The following DAB1 variants were observed in gnomAD, a reference collection of about 807,000 sequenced individuals.
The protein encoded by DAB1 is disabled homolog 1.
In DAB1, 15 loss-of-function variants were observed where a neutral mutation model predicts 64.6. The ratio of observed to expected loss-of-function variants is 0.23; its 90% CI spans 0.16 to 0.36. DAB1 has a LOEUF of 0.36. Among genes scored for constraint, DAB1 ranks in the 10% least tolerant of loss-of-function variants. The probability of loss-of-function intolerance (pLI) is 1.00; values close to 1 mark genes in which losing one functional copy is unlikely to be tolerated. For missense variants in DAB1, 596 were observed against 706.7 expected (o/e 0.84, Z 1.78); for synonymous variants, 235 against 251.9 (o/e 0.93, Z 0.64).
intron 3 of DAB1, among the ~76,000 whole-genome samples, chr1:58,475,648 C>T (rs2100338627): frequency 6.6e-6 from 1 of 152,286 alleles, no homozygotes. Context: ...AATAATCTCA[C>T]AGCCCAGATG....
At chr1:57,745,599 C>G (rs1312681591) in intron 6 of DAB1, among the ~76,000 whole-genome samples, 2 of 152,140 alleles carry the variant, frequency 1.3e-5, no homozygotes, top group Non-Finnish European at 2.9e-5. Flanking sequence ...TTTAAAGGAG[C>G]TCTTTTTCTC....
intron 2 of DAB1, among the ~76,000 whole-genome samples, chr1:58,512,400 G>A (rs2100430342): frequency 6.6e-6 from 1 of 152,240 alleles, no homozygotes; most frequent in East Asian, 1.9e-4. Context: ...TCCTACTTCT[G>A]GATATTTATC....
chr1:58,057,393 C>T (rs760516735), intron 5 of DAB1, among the ~76,000 whole-genome samples: 10 of 152,056 alleles, frequency 6.6e-5, no homozygotes, highest in Non-Finnish European at 5.9e-5. Context: ...TTAGTTAAAA[C>T]GAGGCCATAC....
chr1:57,265,597 G>C (rs568579334), intron 2 of DAB1, among the ~76,000 whole-genome samples: 2 of 152,220 alleles, frequency 1.3e-5, no homozygotes, highest in African/African-American at 4.8e-5. Flanking sequence ...AACGGATGCC[G>C]TCAGTAACAA....
chr1:57,304,193 AG>A (rs932114251), intron 1 of DAB1, among the ~76,000 whole-genome samples: 1 of 152,202 alleles, frequency 6.6e-6, no homozygotes, highest in Non-Finnish European at 1.5e-5. Flanking sequence ...TGGTGAAAAC[AG>A]GAGCAGGAGA....
chr1:57,936,003 A>AGTGT (rs1174280552), intron 5 of DAB1, among the ~76,000 whole-genome samples: 1 of 152,236 alleles, frequency 6.6e-6, no homozygotes, highest in Non-Finnish European at 1.5e-5. Context: ...TCTATCCTGA[A>AGTGT]GTGTGACCTT....
intron 4 of DAB1, among the ~76,000 whole-genome samples, chr1:58,238,198 G>T (rs1470905815): frequency 6.6e-6 from 1 of 152,188 alleles, no homozygotes; most frequent in Non-Finnish European, 1.5e-5. Context: ...TAGACCAAGG[G>T]TCTCTATGTG....
intron 1 of DAB1, among the ~76,000 whole-genome samples, chr1:57,413,057 T>G (rs1286737864): frequency 6.6e-6 from 1 of 152,134 alleles, no homozygotes; most frequent in Non-Finnish European, 1.5e-5. Context: ...CTAGGGCCCT[T>G]AAGAATTATA....
intron 4 of DAB1, among the ~76,000 whole-genome samples, chr1:57,089,869 A>C (rs1371306489): frequency 6.6e-6 from 1 of 152,214 alleles, no homozygotes. Context: ...GTTTGTGAAC[A>C]CACAAGAGCA....
chr1:58,088,218 C>G (rs973091362), intron 5 of DAB1, among the ~76,000 whole-genome samples: 34 of 152,214 alleles, frequency 2.2e-4, no homozygotes, highest in Non-Finnish European at 5.0e-4. Context: ...TAGAGCTCTT[C>G]TCTCACCTCC....
chr1:58,203,897 A>G (rs1658124135), intron 4 of DAB1, among the ~76,000 whole-genome samples: 1 of 152,226 alleles, frequency 6.6e-6, no homozygotes, highest in African/African-American at 2.4e-5. Flanking sequence ...CCTGGCATAT[A>G]GTTTATTGAA....
intron 6 of DAB1, among the ~76,000 whole-genome samples, chr1:57,702,221 G>C (rs865934248): frequency 7.9e-5 from 12 of 152,068 alleles, no homozygotes; most frequent in Non-Finnish European, 1.5e-4. Flanking sequence ...CACCAGGGGA[G>C]TGTTTCAGTC....
intron 4 of DAB1, among the ~76,000 whole-genome samples, chr1:58,337,988 C>CTATATATATA (rs10674883): frequency 7.5e-4 from 113 of 149,700 alleles, no homozygotes; most frequent in East Asian, 2.4e-3. Flanking sequence ...GTTTTTTCCA[C>CTATATATATA]TATATATATA....
chr1:57,865,429 G>A (rs1198208012), intron 1 of DAB1, among the ~76,000 whole-genome samples: 1 of 151,964 alleles, frequency 6.6e-6, no homozygotes, highest in African/African-American at 2.4e-5. Flanking sequence ...ATTTAACACA[G>A]CCCACTGGGC....
intron 6 of DAB1, among the ~76,000 whole-genome samples, chr1:57,806,528 A>T (rs76920581): frequency 0.017 from 2,574 of 152,292 alleles, 75 homozygotes; most frequent in African/African-American, 0.06. Flanking sequence ...GGCCTGGAAG[A>T]GATTCTCTCC....
rs1341446315 is a variant in DAB1 at position 58,118,503 on chromosome 1, T to TATACACAC, written n.387+32007_387+32008insGTGTGTAT. Among the ~76,000 whole-genome samples the TATACACAC allele has an allele frequency of 1.0e-3, 55 of 53,090 alleles. 1 individual carries two copies. The highest frequency in any genetic ancestry group is 5.1e-3 in the East Asian group (4 of 780). The allele number at this position is 53,090 out of a possible 152,430, so 34.8% of individuals were successfully genotyped here. On this transcript the variant is annotated intron_variant and non_coding_transcript_variant, in intron 5 of 20. Transcript: ENST00000485760. ...ATATATATATATATATATATATATATACACACACACACACACACATATATA... is the reference window on the plus strand; with the variant it reads ...ATATATATATATATATATATATATATATACACACACACACACACACACACACATATATA...
At chr1:57,784,928 C>G (rs977891376) in intron 6 of DAB1, among the ~76,000 whole-genome samples, 1 of 152,208 alleles carries the variant, frequency 6.6e-6, no homozygotes, top group African/African-American at 2.4e-5. Flanking sequence ...CTAGGACTTT[C>G]ATAGCTAGAC....
At chr1:57,027,012 C>T (rs993635916) in intron 9 of DAB1, among the ~76,000 whole-genome samples, 2 of 152,190 alleles carry the variant, frequency 1.3e-5, no homozygotes, top group Non-Finnish European at 2.9e-5. Flanking sequence ...TAGCTTCAAA[C>T]TGGGGGAACT....
At chr1:58,053,423 G>T (rs1357884687) in intron 5 of DAB1, among the ~76,000 whole-genome samples, 1 of 152,146 alleles carries the variant, frequency 6.6e-6, no homozygotes, top group Non-Finnish European at 1.5e-5. Flanking sequence ...GAGGAAGCAA[G>T]GGGCTGGGGA....
Sources: allele counts gnomAD v4.1 joint callset (sites outside exome capture counted in the v4.1 genomes callset), GRCh38; gene constraint gnomAD v4.1.1; transcripts MANE v1.5; gene names NCBI Gene and HGNC (gene_info 2026-07-23, HGNC 2026-07-21).